Variants in MGAT4C observed in about 807,000 individuals in gnomAD.
MGAT4C encodes the protein MGAT4 family member C.
A neutral mutation model predicts 40.1 loss-of-function variants in MGAT4C; 19 were observed. The observed-to-expected ratio is 0.47, with a 90% CI of 0.33 to 0.70. The LOEUF (loss-of-function observed/expected upper bound fraction) is 0.70, where lower values mean the gene tolerates loss of function less well. Ranked by LOEUF, MGAT4C falls within the 30% of genes least tolerant of loss-of-function variation. MGAT4C has a pLI of 0.02. For synonymous variants in MGAT4C, 181 were observed against 187.1 expected (o/e 0.97, Z 0.27); for missense variants, 491 against 563.2 (o/e 0.87, Z 1.30).
intron 2 of MGAT4C, among the ~76,000 whole-genome samples, chr12:86,605,155 T>A (rs1961999796): frequency 6.6e-6 from 1 of 152,168 alleles, no homozygotes; most frequent in Admixed American, 6.6e-5. Context: ...ACTGACCACA[T>A]AACTGAATTT....
chr12:86,027,690 A>C (rs1890360528), intron 2 of MGAT4C, among the ~76,000 whole-genome samples: 1 of 152,012 alleles, frequency 6.6e-6, no homozygotes, highest in African/African-American at 2.4e-5. Flanking sequence ...ATGTGAATAC[A>C]TGTAATGCTG....
intron 1 of MGAT4C, among the ~76,000 whole-genome samples, chr12:86,730,718 T>C (rs772090385): frequency 2.0e-5 from 3 of 152,066 alleles, no homozygotes; most frequent in Non-Finnish European, 2.9e-5. Flanking sequence ...GTTTTTGGAG[T>C]AGAAATTAGG....
intron 1 of MGAT4C, among the ~76,000 whole-genome samples, chr12:86,171,619 T>C (rs1028927966): frequency 6.6e-6 from 1 of 152,188 alleles, no homozygotes; most frequent in South Asian, 2.1e-4. Flanking sequence ...GCTATTGATA[T>C]TGCAGCGGGG....
rs936136739 is a variant in MGAT4C at position 85,962,100 on chromosome 12, A to C, written c.*17189T>G. Reference sequence around the variant, plus strand: ...TAAGACGTTAAAAATAACTTACGAAAGGATAGATTCCAATGTCAGTGGGTG... The same window carrying C: ...TAAGACGTTAAAAATAACTTACGAACGGATAGATTCCAATGTCAGTGGGTG... On this transcript the variant is annotated 3_prime_UTR_variant, in exon 5 of 5. Transcript: ENST00000611864. The C allele has an allele frequency of 3.3e-5, 5 of 151,884 alleles. No homozygotes were observed. The highest frequency in any genetic ancestry group is 7.4e-5 in the Non-Finnish European group (5 of 67,790). The allele number at this position is 151,884 out of a possible 1,614,324, so 9.4% of individuals were successfully genotyped here.
intron 2 of MGAT4C, among the ~76,000 whole-genome samples, chr12:86,705,839 T>C (rs1200497020): frequency 2.0e-5 from 3 of 152,172 alleles, no homozygotes; most frequent in Admixed American, 1.3e-4. Context: ...CATGGGACAG[T>C]AGTTCCACTT....
intron 1 of MGAT4C, among the ~76,000 whole-genome samples, chr12:86,768,483 C>T (rs1475472442): frequency 1.3e-5 from 2 of 151,932 alleles, no homozygotes; most frequent in Admixed American, 6.6e-5. Context: ...CATCAAGCTA[C>T]CAATGACTTT....
chr12:86,317,186 T>C (rs1173588243), intron 4 of MGAT4C, among the ~76,000 whole-genome samples: 1 of 152,092 alleles, frequency 6.6e-6, no homozygotes, highest in Admixed American at 6.6e-5. Flanking sequence ...TGGAAGACAG[T>C]ATAGTTTCAG....
intron 1 of MGAT4C, among the ~76,000 whole-genome samples, chr12:86,206,265 G>T (rs544461408): frequency 6.6e-6 from 1 of 152,026 alleles, no homozygotes; most frequent in African/African-American, 2.4e-5. Context: ...GAAATAATAA[G>T]GACAGAGAAT....
chr12:86,747,854 G>C (rs1465698879), intron 1 of MGAT4C, among the ~76,000 whole-genome samples: 4 of 151,418 alleles, frequency 2.6e-5, no homozygotes, highest in African/African-American at 9.7e-5. Context: ...TGCGTATGAG[G>C]AAGGAATGAC....
Position 86,015,270 on chromosome 12 carries a change from G to A in MGAT4C, c.-6-25718C>T, listed in dbSNP as rs561331774. On this transcript the variant is annotated intron_variant, in intron 2 of 4. Coordinates refer to ENST00000611864, the MANE Select transcript of MGAT4C (RefSeq NM_001351288.2). ...TTGCACCAATGTGTGTGTGTTTTCC[G>A]CTAGGAAATGAAAAAAAGGAACTGG... is the stretch of plus-strand genomic sequence containing the variant. Among the ~76,000 whole-genome samples the A allele has an allele frequency of 2.3e-3, 342 of 146,354 alleles. 1 individual carries two copies. Among genetic ancestry groups the A allele is most frequent in the African/African-American group, 7.6e-3 (297 of 39,318 alleles).
intron 1 of MGAT4C, among the ~76,000 whole-genome samples, chr12:86,213,619 A>T (rs1051362698): frequency 4.1e-5 from 5 of 123,046 alleles, no homozygotes; most frequent in Middle Eastern, 5.4e-3. Flanking sequence ...CCAATTATTT[A>T]AAAAAAACAG....
intron 2 of MGAT4C, among the ~76,000 whole-genome samples, chr12:86,583,332 T>C (rs903634613): frequency 3.3e-5 from 5 of 151,308 alleles, no homozygotes; most frequent in Non-Finnish European, 7.4e-5. Flanking sequence ...AAATATCTAC[T>C]GAAAAGAAAG....
chr12:86,665,286 T>C (rs913003734), intron 2 of MGAT4C, among the ~76,000 whole-genome samples: 1 of 152,202 alleles, frequency 6.6e-6, no homozygotes, highest in Non-Finnish European at 1.5e-5. Context: ...CCTTTTCTTC[T>C]CTACAATTTT....
At position 86,774,317 on chromosome 12, in the gene MGAT4C, T is replaced by TTCTTTCTTTCTTTCTTTC. The variant is rs1555227761; in HGVS notation, c.-261-47094_-261-47077dup. 5.3e-4 allele frequency among the ~76,000 whole-genome samples: 35 copies of TTCTTTCTTTCTTTCTTTC among 66,500 alleles called. 5 individuals carry two copies. Among genetic ancestry groups the TTCTTTCTTTCTTTCTTTC allele is most frequent in the Non-Finnish European group, 1.1e-3 (31 of 29,012 alleles). 43.6% of individuals were successfully genotyped at this position (66,500 alleles called of 152,430 possible). On this transcript the variant is annotated intron_variant, in intron 1 of 7. Transcript: ENST00000548651. ...TTTCTTTCTTTCTTTCTTTCTTTCT[T>TTCTTTCTTTCTTTCTTTC]TCTTTCTTTCTTTCTTTCTTTCTGT...
chr12:86,308,803 A>G (rs912369023), intron 4 of MGAT4C, among the ~76,000 whole-genome samples: 2 of 150,462 alleles, frequency 1.3e-5, no homozygotes, highest in Admixed American at 1.3e-4. Context: ...TATTTTATAT[A>G]CATTATTTCA....
At chr12:86,670,319 A>G (rs2136562610) in intron 2 of MGAT4C, among the ~76,000 whole-genome samples, 1 of 152,258 alleles carries the variant, frequency 6.6e-6, no homozygotes, top group South Asian at 2.1e-4. Context: ...GTTTTAAAAC[A>G]ATCCAGGAAA....
At chr12:86,733,867 G>C (rs78365068) in intron 1 of MGAT4C, among the ~76,000 whole-genome samples, 2 of 152,070 alleles carry the variant, frequency 1.3e-5, no homozygotes, top group African/African-American at 4.8e-5. Flanking sequence ...AATGTAATTA[G>C]AAGACAATTC....
At chr12:86,372,275 G>T (rs1162695850) in intron 3 of MGAT4C, among the ~76,000 whole-genome samples, 1 of 151,692 alleles carries the variant, frequency 6.6e-6, no homozygotes, top group East Asian at 1.9e-4. Context: ...ATTATGAGCT[G>T]CAAACCTAAA....
intron 1 of MGAT4C, among the ~76,000 whole-genome samples, chr12:86,776,825 CAT>C (rs1421088009): frequency 1.3e-5 from 2 of 152,126 alleles, no homozygotes; most frequent in East Asian, 1.9e-4. Flanking sequence ...TCAAATGAGA[CAT>C]ATAAATATCA....
Sources: gnomAD v4.1 joint callset for allele counts (sites outside exome capture counted in the v4.1 genomes callset) on GRCh38, gnomAD v4.1.1 for gene constraint, MANE v1.5 for transcripts, NCBI Gene and HGNC (gene_info 2026-07-23, HGNC 2026-07-21) for gene names.